The following CBLN2 variants were observed in gnomAD, a reference collection of about 807,000 sequenced individuals.
The protein encoded by CBLN2 is cerebellin 2 precursor.
Under a neutral mutation model 15.0 loss-of-function variants are expected in CBLN2, and 7 were observed. The observed-to-expected ratio is 0.47, with a 90% CI of 0.27 to 0.88. CBLN2 has a LOEUF of 0.88. CBLN2 is among the 40% of genes least tolerant of loss of function. CBLN2 has a pLI of 0.14. For missense variants in CBLN2, 242 were observed against 304.5 expected, an observed-to-expected ratio of 0.79 and a Z score of 1.53; for synonymous variants, 149 against 135.2, an observed-to-expected ratio of 1.10 and a Z score of -0.71.
At chr18:72,614,898 A>G (rs1683556382) in intron 1 of CBLN2, among the ~76,000 whole-genome samples, 1 of 151,174 alleles carries the variant, frequency 6.6e-6, no homozygotes, top group Non-Finnish European at 1.5e-5. Context: ...CATTTAAATT[A>G]ACATAGTTAT....
intron 1 of CBLN2, among the ~76,000 whole-genome samples, chr18:72,611,872 G>GCTCA (rs1159750455): frequency 6.6e-6 from 1 of 152,046 alleles, no homozygotes; most frequent in Non-Finnish European, 1.5e-5. Context: ...TATAATTTGA[G>GCTCA]GTCTCACATT....
chr18:72,578,605 C>T (rs144990159), intron 1 of CBLN2, among the ~76,000 whole-genome samples: 131 of 152,252 alleles, frequency 8.6e-4, no homozygotes, highest in African/African-American at 3.1e-3. Context: ...TACAATGTTT[C>T]ACATTTAAAT....
intron 1 of CBLN2, among the ~76,000 whole-genome samples, chr18:72,578,572 A>C (rs1311591828): frequency 6.6e-6 from 1 of 152,176 alleles, no homozygotes; most frequent in African/African-American, 2.4e-5. Context: ...TATGCTTATG[A>C]AGTTTTGTTT....
chr18:72,554,045 G>A (rs1437760879), intron 1 of CBLN2, among the ~76,000 whole-genome samples: 1 of 152,144 alleles, frequency 6.6e-6, no homozygotes, highest in African/African-American at 2.4e-5. Context: ...TCTCAATCCT[G>A]CAGGGAAAGA....
chr18:72,587,608 G>A (rs2069452471), intron 1 of CBLN2, among the ~76,000 whole-genome samples: 1 of 152,016 alleles, frequency 6.6e-6, no homozygotes, highest in Non-Finnish European at 1.5e-5. Context: ...TTGCATATTT[G>A]TTGAAGATAC....
At chr18:72,546,742 G>A (rs1322962198), upstream of CBLN2, among the ~76,000 whole-genome samples, 1 of 152,192 alleles carries the variant, frequency 6.6e-6, no homozygotes, top group Non-Finnish European at 1.5e-5. Context: ...CAGCAACCCT[G>A]TGGTAAAGAC....
chr18:72,548,080 T>G (rs1173060261), upstream of CBLN2, among the ~76,000 whole-genome samples: 1 of 152,182 alleles, frequency 6.6e-6, no homozygotes, highest in Non-Finnish European at 1.5e-5. Flanking sequence ...TTGAAGAAGC[T>G]TAGAGATCTG....
At chr18:72,606,694 C>G (rs528058051) in intron 1 of CBLN2, among the ~76,000 whole-genome samples, 1 of 152,322 alleles carries the variant, frequency 6.6e-6, no homozygotes, top group East Asian at 1.9e-4. Context: ...CACAACAGAA[C>G]ACATCTGGAT....
intron 1 of CBLN2, among the ~76,000 whole-genome samples, chr18:72,587,546 C>G (rs7233657): frequency 0.14 from 21,929 of 152,046 alleles, 3,866 homozygotes; most frequent in African/African-American, 0.42. Flanking sequence ...AGATTTTTCT[C>G]TCTCCTTTAT....
chr18:72,576,818 A>T (rs1445265703), intron 1 of CBLN2, among the ~76,000 whole-genome samples: 1 of 151,066 alleles, frequency 6.6e-6, no homozygotes, highest in African/African-American at 2.4e-5. Flanking sequence ...CCATATGTAA[A>T]AAACTACCTG....
At chr18:72,556,689 A>G (rs1392012471) in intron 1 of CBLN2, among the ~76,000 whole-genome samples, 1 of 152,196 alleles carries the variant, frequency 6.6e-6, no homozygotes, top group Non-Finnish European at 1.5e-5. Context: ...TCTAAGACTC[A>G]AGGTAAATGA....
intron 1 of CBLN2, among the ~76,000 whole-genome samples, chr18:72,574,939 G>C (rs879045962): frequency 6.6e-6 from 1 of 152,160 alleles, no homozygotes; most frequent in African/African-American, 2.4e-5. Context: ...AACGCTTGTG[G>C]ATTATCTCAG....
Position 72,542,130 on chromosome 18 carries a change from G to A in CBLN2, c.31C>T (p.Leu11=), listed in dbSNP as rs1568249649. ...CGGCGCCCGGGCATCATCAGCCGCAGCCCGAGTGGCCCCCGGCCGGGCGCC... is the reference window on the plus strand; with the variant it reads ...CGGCGCCCGGGCATCATCAGCCGCAACCCGAGTGGCCCCCGGCCGGGCGCC... MQAPGRGPLG[L]RLMMPGRRGA... The change falls in exon 3 of 5, where the codon CTG becomes TTG. Residue 11 remains leucine (L), a synonymous_variant. Transcript: ENST00000269503. The A allele has an allele frequency of 1.5e-6, 2 of 1,354,462 alleles. No individual in the cohort carries two copies. Among genetic ancestry groups the A allele is most frequent in the Admixed American group, 7.8e-5 (2 of 25,614 alleles). 83.9% of individuals were successfully genotyped at this position (1,354,462 alleles called of 1,614,324 possible). A position where few individuals can be genotyped will look rare whatever the true frequency, so the allele number is the denominator to read the frequency against.
chr18:72,589,228 A>T (rs556258298), intron 1 of CBLN2, among the ~76,000 whole-genome samples: 22 of 152,352 alleles, frequency 1.4e-4, no homozygotes, highest in African/African-American at 5.3e-4. Flanking sequence ...TGTGTGAAAC[A>T]TGGAAATTTT....
At chr18:72,541,594 A>T (rs746206783) in intron 3 of CBLN2, among the ~76,000 whole-genome samples, 1 of 152,264 alleles carries the variant, frequency 6.6e-6, no homozygotes, top group Non-Finnish European at 1.5e-5. Context: ...AAGTTAGCTG[A>T]TCATTTAAAA....
intron 1 of CBLN2, among the ~76,000 whole-genome samples, chr18:72,603,284 G>T (rs2069561338): frequency 6.6e-6 from 1 of 152,126 alleles, no homozygotes; most frequent in South Asian, 2.1e-4. Context: ...CAATGGTATG[G>T]GACTATTAGC....
At chr18:72,601,211 T>A (rs2069545796) in intron 1 of CBLN2, among the ~76,000 whole-genome samples, 1 of 152,190 alleles carries the variant, frequency 6.6e-6, no homozygotes, top group East Asian at 1.9e-4. Flanking sequence ...AAACTCAATT[T>A]CTTCCCAAAG....
chr18:72,604,421 A>G (rs954175528), intron 1 of CBLN2, among the ~76,000 whole-genome samples: 3 of 152,124 alleles, frequency 2.0e-5, no homozygotes, highest in Non-Finnish European at 4.4e-5. Context: ...TTATTTTATC[A>G]AAGTGTCTAT....
intron 1 of CBLN2, among the ~76,000 whole-genome samples, chr18:72,608,169 C>T (rs747987275): frequency 2.6e-5 from 4 of 152,250 alleles, no homozygotes; most frequent in African/African-American, 9.6e-5. Context: ...CTGCTTTATT[C>T]CTTGTAAACA....
Sources: allele counts gnomAD v4.1 joint callset (sites outside exome capture counted in the v4.1 genomes callset), GRCh38; gene constraint gnomAD v4.1.1; transcripts MANE v1.5; gene names NCBI Gene and HGNC (gene_info 2026-07-23, HGNC 2026-07-21).